The following SPAG16 variants were observed in gnomAD, a reference collection of about 807,000 sequenced individuals.
SPAG16 encodes the protein sperm associated antigen 16.
A neutral mutation model predicts 80.4 loss-of-function variants in SPAG16; 86 were observed. That is an observed-to-expected ratio of 1.07 (90% CI 0.90 to 1.28). The LOEUF (loss-of-function observed/expected upper bound fraction) is 1.28. SPAG16 is among the 50% of genes most tolerant of loss of function. SPAG16 has a pLI of 0.00. For synonymous variants in SPAG16, 294 were observed against 265.9 expected, an observed-to-expected ratio of 1.11 and a Z score of -1.03; for missense variants, 870 against 765.3, an observed-to-expected ratio of 1.14 and a Z score of -1.61.
intron 10 of SPAG16, among the ~76,000 whole-genome samples, chr2:213,762,810 T>C (rs74652560): frequency 0.054 from 8,251 of 152,122 alleles, 284 homozygotes; most frequent in African/African-American, 0.1. Flanking sequence ...AAAGCTTCTG[T>C]ACAACAAAGG....
chr2:213,786,925 T>C (rs1305541854), intron 10 of SPAG16, among the ~76,000 whole-genome samples: 1 of 152,158 alleles, frequency 6.6e-6, no homozygotes, highest in East Asian at 1.9e-4. Flanking sequence ...AATAATTTCA[T>C]GTGGAAAGTG....
intron 15 of SPAG16, among the ~76,000 whole-genome samples, chr2:214,219,238 T>G (rs1339542292): frequency 1.3e-5 from 2 of 152,192 alleles, no homozygotes; most frequent in Admixed American, 1.3e-4. Context: ...GTGTTGTTAT[T>G]AATTCTCAGT....
intron 9 of SPAG16, among the ~76,000 whole-genome samples, chr2:213,390,485 A>C (rs1363315533): frequency 6.6e-6 from 1 of 152,234 alleles, no homozygotes; most frequent in African/African-American, 2.4e-5. Context: ...AAGGATACAT[A>C]AACATTGCAG....
chr2:213,864,660 G>A (rs2075614577), intron 11 of SPAG16, among the ~76,000 whole-genome samples: 1 of 151,646 alleles, frequency 6.6e-6, no homozygotes, highest in Admixed American at 6.6e-5. Context: ...GTTGCTTCTA[G>A]TTGAATATTT....
intron 5 of SPAG16, among the ~76,000 whole-genome samples, chr2:213,335,305 T>G (rs2064299325): frequency 1.3e-5 from 2 of 152,186 alleles, no homozygotes; most frequent in Admixed American, 6.5e-5. Flanking sequence ...AAGATGGACA[T>G]GTATTCCTAT....
intron 12 of SPAG16, among the ~76,000 whole-genome samples, chr2:213,949,169 G>GTTTTTTTTT (rs767648099): frequency 5.3e-5 from 3 of 56,740 alleles, no homozygotes; most frequent in Non-Finnish European, 7.2e-5. Context: ...AATTACAACA[G>GTTTTTTTTT]TTTTTTTTTT....
At chr2:214,342,061 G>GA (rs35779841) in intron 15 of SPAG16, among the ~76,000 whole-genome samples, 8 of 151,826 alleles carry the variant, frequency 5.3e-5, no homozygotes, top group African/African-American at 1.9e-4. Flanking sequence ...GAAACTCCAA[G>GA]AAAAAAAACA....
chr2:214,279,081 C>G (rs531625145), intron 15 of SPAG16, among the ~76,000 whole-genome samples: 1 of 149,498 alleles, frequency 6.7e-6, no homozygotes, highest in South Asian at 2.1e-4. Context: ...ACAACAAAAA[C>G]AAACAGAATA....
intron 3 of SPAG16, among the ~76,000 whole-genome samples, chr2:213,299,249 C>G (rs2062625402): frequency 6.6e-6 from 1 of 151,098 alleles, no homozygotes; most frequent in Non-Finnish European, 1.5e-5. Flanking sequence ...CAAAAAATGA[C>G]TTATTGCGAC....
chr2:213,666,999 C>T (rs2013922), intron 10 of SPAG16, among the ~76,000 whole-genome samples: 59,760 of 152,070 alleles, frequency 0.39, 12,361 homozygotes, highest in African/African-American at 0.5. Flanking sequence ...TGTATTGATA[C>T]TCACTTCAAG....
intron 15 of SPAG16, among the ~76,000 whole-genome samples, chr2:214,257,496 G>A (rs1010182044): frequency 1.3e-5 from 2 of 151,994 alleles, no homozygotes; most frequent in African/African-American, 4.8e-5. Context: ...GAAATATGAT[G>A]GTAATTGTAG....
chr2:213,807,899 T>C (rs1338155661), intron 10 of SPAG16, among the ~76,000 whole-genome samples: 1 of 152,208 alleles, frequency 6.6e-6, no homozygotes, highest in African/African-American at 2.4e-5. Flanking sequence ...TCAACTTAAA[T>C]ATGACTGTGA....
At chr2:213,572,040 G>T (rs2126009164) in intron 10 of SPAG16, among the ~76,000 whole-genome samples, 1 of 118,306 alleles carries the variant, frequency 8.5e-6, no homozygotes, top group Admixed American at 8.4e-5. Flanking sequence ...CGGCTCCTGA[G>T]GCTTCTGCAT....
At chr2:213,444,940 C>T (rs1008346512) in intron 9 of SPAG16, among the ~76,000 whole-genome samples, 5 of 152,124 alleles carry the variant, frequency 3.3e-5, no homozygotes, top group African/African-American at 9.7e-5. Context: ...AATAAATCCA[C>T]TCATTTACAG....
At chr2:214,125,651 A>G (rs995676360) in intron 14 of SPAG16, among the ~76,000 whole-genome samples, 1 of 151,768 alleles carries the variant, frequency 6.6e-6, no homozygotes, top group African/African-American at 2.4e-5. Flanking sequence ...TTATAAATCA[A>G]ATTATAGATT....
At chr2:214,188,551 A>G (rs1414796430) in intron 15 of SPAG16, among the ~76,000 whole-genome samples, 1 of 152,178 alleles carries the variant, frequency 6.6e-6, no homozygotes, top group African/African-American at 2.4e-5. Flanking sequence ...GTATTTCAAA[A>G]CCAAACATTC....
At chr2:213,709,788 G>A (rs928941468) in intron 10 of SPAG16, among the ~76,000 whole-genome samples, 16 of 152,030 alleles carry the variant, frequency 1.1e-4, no homozygotes, top group African/African-American at 3.9e-4. Context: ...TCCTTCAAAG[G>A]CTGACAAAGA....
At chr2:213,652,358 A>G (rs1005424485) in intron 10 of SPAG16, among the ~76,000 whole-genome samples, 1 of 152,108 alleles carries the variant, frequency 6.6e-6, no homozygotes, top group African/African-American at 2.4e-5. Context: ...TTCACCCAAA[A>G]TTGTCACAAA....
intron 10 of SPAG16, among the ~76,000 whole-genome samples, chr2:213,534,151 G>C (rs904731850): frequency 2.0e-5 from 3 of 151,944 alleles, no homozygotes; most frequent in Non-Finnish European, 4.4e-5. Context: ...ATATCCATTT[G>C]TGTTTTCTTA....
Sources: gnomAD v4.1 joint callset for allele counts (sites outside exome capture counted in the v4.1 genomes callset) on GRCh38, gnomAD v4.1.1 for gene constraint, MANE v1.5 for transcripts, NCBI Gene and HGNC (gene_info 2026-07-23, HGNC 2026-07-21) for gene names.